The following CLEC16A variants were observed in gnomAD, a reference collection of about 807,000 sequenced individuals.
The protein encoded by CLEC16A is protein CLEC16A.
In CLEC16A, 51 loss-of-function variants were observed where a neutral mutation model predicts 109.5. The ratio of observed to expected loss-of-function variants is 0.47; its 90% CI spans 0.37 to 0.59. The LOEUF is 0.59. CLEC16A is among the 20% of genes least tolerant of loss of function. The pLI is 0.00. For synonymous variants in CLEC16A, 673 were observed against 564.2 expected (o/e 1.19, Z -2.73); for missense variants, 1,339 against 1,394.0 (o/e 0.96, Z 0.63).
At chr16:11,069,759 A>G (rs11648019) in intron 19 of CLEC16A, among the ~76,000 whole-genome samples, 36,661 of 152,134 alleles carry the variant, frequency 0.24, 4,520 homozygotes, top group African/African-American at 0.27. Flanking sequence ...ATTTTTAAAA[A>G]ACAACAACAA....
intron 19 of CLEC16A, among the ~76,000 whole-genome samples, chr16:11,095,609 C>G (rs1385248691): frequency 1.3e-5 from 2 of 152,182 alleles, no homozygotes; most frequent in Middle Eastern, 3.4e-3. Context: ...ATCAGGAGTT[C>G]GAAACCAGCC....
intron 21 of CLEC16A, 38 bp from the exon 22 acceptor site, chr16:11,125,940 CA>C (rs754444917): frequency 1.6e-6 from 2 of 1,256,784 alleles, no homozygotes; most frequent in East Asian, 8.6e-5. Flanking sequence ...CCCTCTATCC[CA>C]CATGCTCAGA....
In CLEC16A at chr16:11,027,195, G is replaced by T; in HGVS notation, c.1537+2274G>T. On this transcript the variant is annotated intron_variant, in intron 13 of 23. Transcript: ENST00000409790. ...TAAGCTACTGGAATCATTCCTACATGATTACTGGCAGCAGAAACCTGACAA... is the reference window on the plus strand; with the variant it reads ...TAAGCTACTGGAATCATTCCTACATTATTACTGGCAGCAGAAACCTGACAA... The T allele has an allele frequency of 7.9e-6, 11 of 1,397,796 alleles. No homozygotes were observed. In the Admixed American group the frequency reaches 1.7e-4, roughly 21 times the overall value. 86.6% of individuals were successfully genotyped at this position (1,397,796 alleles called of 1,614,324 possible). A position where few individuals can be genotyped will look rare whatever the true frequency, so the allele number is the denominator to read the frequency against.
At position 11,044,254 on chromosome 16, in the gene CLEC16A, A is replaced by G. The variant is rs75838626; in HGVS notation, c.1815+182A>G. 22 of 448,412 alleles carry G rather than the reference A, an allele frequency of 4.9e-5. No homozygotes were observed. In the East Asian group the frequency reaches 7.2e-4, roughly 15 times the overall value. The allele number at this position is 448,412 out of a possible 1,614,324, so 27.8% of individuals were successfully genotyped here. ...AGCAATATCTAAACTTTTCTGTCCAAGCTGTCTTATCAGTAAAATTTTTGA... is the reference window on the plus strand; with the variant it reads ...AGCAATATCTAAACTTTTCTGTCCAGGCTGTCTTATCAGTAAAATTTTTGA... On this transcript the variant is annotated intron_variant, in intron 16 of 23. Coordinates refer to ENST00000409790, the MANE Select transcript of CLEC16A (RefSeq NM_015226.3).
intron 23 of CLEC16A, 44 bp downstream of exon 23, chr16:11,166,596 C>T (rs541093681): frequency 1.3e-6 from 2 of 1,511,122 alleles, no homozygotes; most frequent in Non-Finnish European, 1.8e-6. Context: ...TTTGGAGAAC[C>T]CCGTGATCCC....
intron 22 of CLEC16A, among the ~76,000 whole-genome samples, chr16:11,137,022 G>A (rs1387112547): frequency 1.3e-5 from 2 of 152,236 alleles, no homozygotes; most frequent in Non-Finnish European, 2.9e-5. Context: ...TGGAAATCAG[G>A]TGAGCTTTGG....
chr16:10,986,012 A>AT (rs59547466), intron 10 of CLEC16A, among the ~76,000 whole-genome samples: 774 of 43,440 alleles, frequency 0.018, 191 homozygotes, highest in Non-Finnish European at 0.022. Context: ...GGCCTGCAGA[A>AT]TTTTTTTTTT....
chr16:10,986,731 A>ATG lies in CLEC16A; in HGVS notation c.1071+3770_1071+3771dup, dbSNP rs59931468. On this transcript the variant is annotated intron_variant, in intron 10 of 23. Coordinates refer to ENST00000409790, the MANE Select transcript of CLEC16A (RefSeq NM_015226.3). ...TCAGAATTTATTTCTTTAAGGCTCA[A>ATG]TGTGTGTGTGTGTGTGTGTGTGTGT... 9.6e-3 allele frequency among the ~76,000 whole-genome samples: 1,438 copies of ATG among 150,210 alleles called. 11 individuals are homozygous for ATG. The highest frequency in any genetic ancestry group is 0.058 in the Middle Eastern group (17 of 292).
At chr16:11,018,045 C>T (rs899580437) in intron 11 of CLEC16A, among the ~76,000 whole-genome samples, 7 of 149,846 alleles carry the variant, frequency 4.7e-5, no homozygotes, top group Non-Finnish European at 7.4e-5. Flanking sequence ...TGGTGGCTCA[C>T]GCCTATAATC....
chr16:11,174,716 T>G lies in CLEC16A; in HGVS notation c.2807-3619T>G, dbSNP rs2068678196. Among the ~76,000 whole-genome samples, 1 of 152,210 alleles carries G rather than the reference T, an allele frequency of 6.6e-6. No individual in the cohort carries two copies. Among genetic ancestry groups the G allele is most frequent in the African/African-American group, 2.4e-5 (1 of 41,458 alleles). ...ATTTGTAGAAAGCAACCAAGAAGTC[T>G]CCTCATTTCTTTTTTCCTTTCTTCC... On this transcript the variant is annotated intron_variant, in intron 23 of 23. Transcript: ENST00000409790. This position sits in a 1 kb window ranked among gnomAD's most constrained non-coding sequence, Gnocchi z 4.7.
At chr16:11,168,048 G>A (rs1218930468) in intron 23 of CLEC16A, among the ~76,000 whole-genome samples, 2 of 152,146 alleles carry the variant, frequency 1.3e-5, no homozygotes, top group African/African-American at 4.8e-5. Flanking sequence ...CATTTTTAAG[G>A]ACGTACAGCC....
At chr16:11,011,473 C>T (rs925630733) in intron 11 of CLEC16A, among the ~76,000 whole-genome samples, 5 of 152,150 alleles carry the variant, frequency 3.3e-5, no homozygotes, top group African/African-American at 1.2e-4. Context: ...AGCTGGCTGT[C>T]ATGTGCTTGC....
intron 18 of CLEC16A, among the ~76,000 whole-genome samples, chr16:11,060,142 A>G (rs2048402903): frequency 6.6e-6 from 1 of 152,000 alleles, no homozygotes; most frequent in South Asian, 2.1e-4. Flanking sequence ...CTGACCAGAC[A>G]CCACTTCTAT....
At chr16:11,012,751 GC>G (rs2152779102) in intron 11 of CLEC16A, among the ~76,000 whole-genome samples, 1 of 152,254 alleles carries the variant, frequency 6.6e-6, no homozygotes, top group South Asian at 2.1e-4. Context: ...ATCATAAGGA[GC>G]ACCTCCTTCC....
At chr16:10,995,586 G>C (rs2044278671) in intron 10 of CLEC16A, among the ~76,000 whole-genome samples, 1 of 152,180 alleles carries the variant, frequency 6.6e-6, no homozygotes, top group Admixed American at 6.5e-5. Context: ...TTTGCCAGGG[G>C]GTTGAAGGGC....
At chr16:11,109,873 A>G (rs12103174) in intron 19 of CLEC16A, among the ~76,000 whole-genome samples, 77,144 of 152,156 alleles carry the variant, frequency 0.51, 20,943 homozygotes, top group African/African-American at 0.72. Context: ...CTCCAGCCGT[A>G]GCCTAAAACA....
chr16:10,957,800 G>C lies in CLEC16A; in HGVS notation c.99G>C (p.Leu33Phe). 6.2e-7 allele frequency: 1 copy of C among 1,613,742 alleles called. No homozygotes were observed. Among genetic ancestry groups the C allele is most frequent in the Non-Finnish European group, 8.5e-7 (1 of 1,179,796 alleles). Residue 33 changes from leucine (L) to phenylalanine (F), a missense_variant, in exon 2 of 24, where the codon TTG (leucine) becomes TTC (phenylalanine). Coordinates refer to ENST00000409790, the MANE Select transcript of CLEC16A (RefSeq NM_015226.3). ...LDHLKYLYHV[L>F]TKNTTVTEQN... Reference sequence around the variant, plus strand: ...CTCTCAGGTATCTGTACCACGTTTTGACCAAAAACACCACAGTCACAGAAC... The same window carrying C: ...CTCTCAGGTATCTGTACCACGTTTTCACCAAAAACACCACAGTCACAGAAC...
chr16:11,125,781 G>A (rs1407341329), intron 21 of CLEC16A, among the ~76,000 whole-genome samples, 198 bp from the exon 22 acceptor site: 1 of 152,144 alleles, frequency 6.6e-6, no homozygotes, highest in Non-Finnish European at 1.5e-5. Context: ...CTTGGCTTCC[G>A]CTTGTGCGTT....
At chr16:10,968,723 A>T (rs900994018) in intron 3 of CLEC16A, among the ~76,000 whole-genome samples, 5 of 152,178 alleles carry the variant, frequency 3.3e-5, no homozygotes, top group Non-Finnish European at 7.3e-5. Flanking sequence ...TCATGTTGCT[A>T]TATAAGGAGG....
Sources: allele counts gnomAD v4.1 joint callset (sites outside exome capture counted in the v4.1 genomes callset), GRCh38; gene constraint gnomAD v4.1.1; non-coding constraint Gnocchi (gnomAD v3.1); transcripts MANE v1.5; gene names NCBI Gene and HGNC (gene_info 2026-07-23, HGNC 2026-07-21).